Variants in OAF observed in about 807,000 individuals in gnomAD.
OAF encodes the protein out at first protein homolog.
In OAF, 13 loss-of-function variants were observed where a neutral mutation model predicts 22.5. The ratio of observed to expected loss-of-function variants is 0.58; its 90% CI spans 0.38 to 0.92. The LOEUF (loss-of-function observed/expected upper bound fraction) is 0.92. Ranked by LOEUF, OAF falls within the 40% of genes least tolerant of loss-of-function variation. The pLI is 0.00. For synonymous variants in OAF, 175 were observed against 170.5 expected (o/e 1.03, Z -0.21); for missense variants, 347 against 381.8 (o/e 0.91, Z 0.76).
At position 120,229,268 on chromosome 11, in the gene OAF, G is replaced by A; in HGVS notation, c.*126G>A. On this transcript the variant is annotated 3_prime_UTR_variant, in exon 4 of 4. Transcript: ENST00000328965. ...CCCACTCCCCTGGCCCTAGAGCCTGGGCCCCTCTGGCCCCATCTCACATGA... is the reference window on the plus strand; with the variant it reads ...CCCACTCCCCTGGCCCTAGAGCCTGAGCCCCTCTGGCCCCATCTCACATGA... The A allele has an allele frequency of 1.2e-6, 1 of 825,066 alleles. No homozygotes were observed. 51.1% of individuals were successfully genotyped at this position (825,066 alleles called of 1,614,324 possible). A position where few individuals can be genotyped will look rare whatever the true frequency, so the allele number is the denominator to read the frequency against.
chr11:120,211,624 C>A, intron 1 of OAF, 114 bp downstream of exon 1: 1 of 628,438 alleles, frequency 1.6e-6, no homozygotes, highest in Non-Finnish European at 2.5e-6. Context: ...CGCAGCTGGC[C>A]CAAGGTCACG....
At position 120,229,013 on chromosome 11, in the gene OAF, C is replaced by T. The variant is rs748088964; in HGVS notation, c.693C>T (p.Tyr231=). The change falls in exon 4 of 4, where the codon TAC becomes TAT. Residue 231 remains tyrosine, a synonymous_variant. Transcript: ENST00000328965. ...SLAWYPCMLK[Y]CHSRDRPTPY... is the part of the protein sequence containing the mutation. ...CCTGGTACCCCTGCATGCTCAAGTA[C>T]TGCCACAGCCGCGACCGGCCCACGC... The T allele has an allele frequency of 6.2e-7, 1 of 1,613,570 alleles. No individual in the cohort carries two copies. The highest frequency in any genetic ancestry group is 8.5e-7 in the Non-Finnish European group (1 of 1,180,006).
chr11:120,213,061 C>T (rs1044859962), intron 1 of OAF, among the ~76,000 whole-genome samples: 3 of 151,982 alleles, frequency 2.0e-5, no homozygotes, highest in Non-Finnish European at 1.5e-5. Context: ...CTGTGAGGCT[C>T]CCAACCCCCT....
At chr11:120,219,394 C>A (rs905213695) in intron 1 of OAF, among the ~76,000 whole-genome samples, 1 of 152,180 alleles carries the variant, frequency 6.6e-6, no homozygotes, top group Non-Finnish European at 1.5e-5. Context: ...CCAGGAACAG[C>A]GGCTGAGGCC....
intron 1 of OAF, among the ~76,000 whole-genome samples, chr11:120,216,655 C>G (rs1304550522): frequency 6.6e-6 from 1 of 152,166 alleles, no homozygotes; most frequent in Non-Finnish European, 1.5e-5. Context: ...ATCTCCCACC[C>G]CTGAATGCTA....
chr11:120,211,687 T>A (rs867585803), intron 1 of OAF, among the ~76,000 whole-genome samples, 177 bp downstream of exon 1: 2 of 151,942 alleles, frequency 1.3e-5, no homozygotes, highest in African/African-American at 4.8e-5. Flanking sequence ...ACCCCTTCAT[T>A]CTCTCCAAAG....
At chr11:120,212,323 C>T (rs2135087958) in intron 1 of OAF, among the ~76,000 whole-genome samples, 1 of 151,818 alleles carries the variant, frequency 6.6e-6, no homozygotes, top group East Asian at 2.0e-4. Context: ...GACCAGCCCG[C>T]TCTTGGTGTG....
At position 120,226,902 on chromosome 11, in the gene OAF, G is replaced by C. The variant is rs1360282553; in HGVS notation, c.453G>C (p.Gly151=). ...ATGTCGCTGTCAACTTCAGCCAGGGGGCCCTGCTGAGCCCCCATCTCCACA... is the reference window on the plus strand; with the variant it reads ...ATGTCGCTGTCAACTTCAGCCAGGGCGCCCTGCTGAGCCCCCATCTCCACA... The part of the protein sequence containing the change: ...HMDVAVNFSQ[G]ALLSPHLHNV... Residue 151 remains glycine, a synonymous_variant, in exon 3 of 4, where the codon GGG becomes GGC. Transcript: ENST00000328965. The C allele has an allele frequency of 6.2e-7, 1 of 1,612,576 alleles. No homozygotes were observed. Among genetic ancestry groups the C allele is most frequent in the Non-Finnish European group, 8.5e-7 (1 of 1,179,020 alleles).
At chr11:120,212,261 G>T (rs1171739991) in intron 1 of OAF, among the ~76,000 whole-genome samples, 1 of 145,656 alleles carries the variant, frequency 6.9e-6, no homozygotes, top group East Asian at 2.1e-4. Context: ...TGGGTGGGTG[G>T]GTGGGTGTGG....
intron 1 of OAF, among the ~76,000 whole-genome samples, chr11:120,223,092 A>G (rs1938303710): frequency 6.6e-6 from 1 of 152,234 alleles, no homozygotes; most frequent in Non-Finnish European, 1.5e-5. Flanking sequence ...GGCTGCCGCC[A>G]GATGGGCATG....
rs1179944912 is a variant in OAF at position 120,229,957 on chromosome 11, G to A, written c.*815G>A. The A allele has an allele frequency of 6.6e-6, 1 of 152,450 alleles. No individual in the cohort carries two copies. Among genetic ancestry groups the A allele is most frequent in the Non-Finnish European group, 1.5e-5 (1 of 68,038 alleles). 9.4% of individuals were successfully genotyped at this position (152,450 alleles called of 1,614,324 possible). ...TTTTACTTGACTAATGAGACCCAGA[G>A]TTTGGAGAAAACTTTTGGCCAATGC... is the stretch of plus-strand genomic sequence containing the variant. On this transcript the variant is annotated 3_prime_UTR_variant, in exon 4 of 4. Transcript: ENST00000328965.
At position 120,228,863 on chromosome 11, in the gene OAF, C is replaced by T. The variant is rs375240235; in HGVS notation, c.548-5C>T. Reference sequence around the variant, plus strand: ...CCCTCCCTGATCCTTGCCTCTCTCCCCCAGGTGTGGACAGTTCTGTGTTCG... The same window carrying T: ...CCCTCCCTGATCCTTGCCTCTCTCCTCCAGGTGTGGACAGTTCTGTGTTCG... On this transcript the variant is annotated splice_region_variant and splice_polypyrimidine_tract_variant and intron_variant, in intron 3 of 3. Coordinates refer to ENST00000328965, the MANE Select transcript of OAF (RefSeq NM_178507.4). The T allele has an allele frequency of 1.3e-6, 2 of 1,512,558 alleles. No individual in the cohort carries two copies. Among genetic ancestry groups the T allele is most frequent in the Non-Finnish European group, 1.8e-6 (2 of 1,116,620 alleles). The allele number at this position is 1,512,558 out of a possible 1,614,324, so 93.7% of individuals were successfully genotyped here. A position where few individuals can be genotyped will look rare whatever the true frequency, so the allele number is the denominator to read the frequency against.
intron 3 of OAF, 144 bp from the exon 4 acceptor site, chr11:120,228,724 A>T (rs577302610): frequency 8.5e-5 from 55 of 649,822 alleles, no homozygotes; most frequent in Admixed American, 3.1e-4. Flanking sequence ...TCTGTGTCCC[A>T]TGGCAAGCTT....
At chr11:120,211,600 G>A (rs574859146) in intron 1 of OAF, 90 bp downstream of exon 1, 511 of 939,892 alleles carry the variant, frequency 5.4e-4, no homozygotes, top group Non-Finnish European at 7.2e-4. Context: ...GGAAAGACGG[G>A]CCCAGGAGGG....
At chr11:120,215,503 A>C (rs1253097905) in intron 1 of OAF, among the ~76,000 whole-genome samples, 1 of 152,194 alleles carries the variant, frequency 6.6e-6, no homozygotes, top group African/African-American at 2.4e-5. Context: ...CACTAATCCT[A>C]ATGTGTTTTG....
At chr11:120,222,896 G>A (rs532674039) in intron 1 of OAF, among the ~76,000 whole-genome samples, 1 of 144,808 alleles carries the variant, frequency 6.9e-6, no homozygotes, top group African/African-American at 2.6e-5. Flanking sequence ...TGGTGACAGA[G>A]TGAGACTCTG....
At chr11:120,211,549 C>T in intron 1 of OAF, 39 bp downstream of exon 1, 2 of 1,362,572 alleles carry the variant, frequency 1.5e-6, no homozygotes, top group Admixed American at 3.0e-5. Context: ...ACCTTCAAGC[C>T]TGAGCCCCCC....
chr11:120,219,080 G>T (rs1938248094), intron 1 of OAF, among the ~76,000 whole-genome samples: 1 of 142,434 alleles, frequency 7.0e-6, no homozygotes, highest in African/African-American at 2.6e-5. Flanking sequence ...TGCGGGGTGT[G>T]CCCTGACGCT....
intron 1 of OAF, among the ~76,000 whole-genome samples, chr11:120,219,583 A>G (rs1251974223): frequency 6.6e-6 from 1 of 152,170 alleles, no homozygotes; most frequent in Admixed American, 6.5e-5. Context: ...CCCCCAGTGC[A>G]GCTGAACCAG....
Sources: allele counts gnomAD v4.1 joint callset (sites outside exome capture counted in the v4.1 genomes callset), GRCh38; gene constraint gnomAD v4.1.1; transcripts MANE v1.5; gene names NCBI Gene and HGNC (gene_info 2026-07-23, HGNC 2026-07-21).